RIPOR2: variants seen among roughly 807,000 people sequenced by gnomAD.
RIPOR2 encodes the protein RHO family interacting cell polarization regulator 2, also known as rho family-interacting cell polarization regulator 2.
A neutral mutation model predicts 114.5 loss-of-function variants in RIPOR2; 39 were observed. That is an observed-to-expected ratio of 0.34 (90% confidence interval 0.26 to 0.44). The LOEUF is 0.44. Ranked by LOEUF, RIPOR2 falls within the 20% of genes least tolerant of loss-of-function variation. The probability of loss-of-function intolerance (pLI) is 1.00; values close to 1 mark genes in which losing one functional copy is unlikely to be tolerated. For missense variants in RIPOR2, 1,007 were observed against 1,255.1 expected (o/e 0.80, Z 2.99); for synonymous variants, 445 against 484.4 (o/e 0.92, Z 1.07).
At chr6:25,027,031 C>A (rs1424423194) in intron 1 of RIPOR2, among the ~76,000 whole-genome samples, 1 of 152,160 alleles carries the variant, frequency 6.6e-6, no homozygotes, top group Non-Finnish European at 1.5e-5. Flanking sequence ...CTCAGGCAAA[C>A]GGCACATTCT....
At chr6:25,021,373 T>A (rs1363826352) in intron 1 of RIPOR2, among the ~76,000 whole-genome samples, 1 of 152,050 alleles carries the variant, frequency 6.6e-6, no homozygotes, top group Non-Finnish European at 1.5e-5. Flanking sequence ...TTATAGAAAT[T>A]AAGGCTGTGG....
At chr6:24,871,990 G>A (rs879280418) in intron 4 of RIPOR2, among the ~76,000 whole-genome samples, 9 of 152,162 alleles carry the variant, frequency 5.9e-5, no homozygotes, top group Non-Finnish European at 1.0e-4. Flanking sequence ...GAATCTCTAA[G>A]CCTTTGAAAA....
At chr6:24,854,443 C>T (rs943245760) in intron 8 of RIPOR2, among the ~76,000 whole-genome samples, 7 of 152,136 alleles carry the variant, frequency 4.6e-5, no homozygotes, top group African/African-American at 1.7e-4. Flanking sequence ...CATGAATAAA[C>T]GTGTGGGGAC....
chr6:25,009,654 C>A (rs905927970), intron 1 of RIPOR2, among the ~76,000 whole-genome samples: 2 of 152,152 alleles, frequency 1.3e-5, no homozygotes, highest in Non-Finnish European at 2.9e-5. Flanking sequence ...GTGGCCTTTC[C>A]CGCAGAAACC....
chr6:25,019,406 C>G (rs765578807), intron 1 of RIPOR2, among the ~76,000 whole-genome samples: 13 of 152,080 alleles, frequency 8.5e-5, no homozygotes, highest in Non-Finnish European at 1.9e-4. Context: ...CATAAAGCAG[C>G]CTTTTCTATG....
At chr6:25,004,213 A>C (rs548378175) in intron 1 of RIPOR2, among the ~76,000 whole-genome samples, 1 of 152,326 alleles carries the variant, frequency 6.6e-6, no homozygotes, top group East Asian at 1.9e-4. Flanking sequence ...AAACTCAGTG[A>C]AAGATGGAAA....
At chr6:25,030,708 TTTTC>T (rs1488688253) in intron 1 of RIPOR2, among the ~76,000 whole-genome samples, 1 of 152,108 alleles carries the variant, frequency 6.6e-6, no homozygotes, top group African/African-American at 2.4e-5. Context: ...TGTTTGTTTG[TTTTC>T]TTTGAGACGG....
intron 16 of RIPOR2, among the ~76,000 whole-genome samples, chr6:24,831,626 C>G (rs79573471): frequency 0.016 from 2,495 of 152,214 alleles, 58 homozygotes; most frequent in African/African-American, 0.051. Context: ...CAGAAATGCA[C>G]AGGGAGAAGA....
In RIPOR2 at chr6:24,887,721, T is replaced by G. The variant is rs551284074; in HGVS notation, c.62-11904A>C. On this transcript the variant is annotated intron_variant, in intron 1 of 21. Coordinates refer to ENST00000643898, the MANE Select transcript of RIPOR2 (RefSeq NM_001286445.3). ...CATTTGAAGAGTAAAGAAGAAATGT[T>G]AATAGCATTTCTATTCATTGGGACA... Among the ~76,000 whole-genome samples, 10 of 152,252 alleles carry G rather than the reference T, an allele frequency of 6.6e-5. No homozygotes were observed. In the South Asian group the frequency reaches 1.9e-3, roughly 28 times the overall value.
At chr6:24,938,224 CAT>C (rs1039727882), upstream of RIPOR2, among the ~76,000 whole-genome samples, 49 of 152,222 alleles carry the variant, frequency 3.2e-4, no homozygotes, top group African/African-American at 1.1e-3. Flanking sequence ...TAGACAAAGA[CAT>C]AGACATAGGG....
intron 1 of RIPOR2, among the ~76,000 whole-genome samples, chr6:25,031,714 TA>T: frequency 1.5e-5 from 1 of 66,506 alleles, no homozygotes; most frequent in Middle Eastern, 7.6e-3. Context: ...TATATATATA[TA>T]TATATATATA....
chr6:24,839,388 TG>T, intron 13 of RIPOR2, 116 bp from the exon 14 acceptor site: 1 of 1,439,290 alleles, frequency 6.9e-7, no homozygotes, highest in African/African-American at 1.4e-5. Context: ...TTTTATTTTT[TG>T]TTAGCATTTA....
At chr6:24,896,640 C>A (rs1049850424) in intron 1 of RIPOR2, among the ~76,000 whole-genome samples, 2 of 152,188 alleles carry the variant, frequency 1.3e-5, no homozygotes, top group Non-Finnish European at 2.9e-5. Context: ...CACGGTGGCT[C>A]ACGCCTGTAA....
rs1554130559 is a variant in RIPOR2 at position 25,005,738 on chromosome 6, T to TACATAC, written c.76+36112_76+36113insGTATGT. On this transcript the variant is annotated intron_variant, in intron 1 of 13. Coordinates refer to the RIPOR2 transcript ENST00000510784. ...ATATATATATATATATATATATATA[T>TACATAC]ATACATTTACCGATCAAAAGATATG... is the stretch of plus-strand genomic sequence containing the variant. 1.3e-3 allele frequency among the ~76,000 whole-genome samples: 91 copies of TACATAC among 70,698 alleles called. 3 individuals carry two copies. Among genetic ancestry groups the TACATAC allele is most frequent in the South Asian group, 4.0e-3 (8 of 1,990 alleles). The allele number at this position is 70,698 out of a possible 152,430, so 46.4% of individuals were successfully genotyped here.
chr6:25,023,644 C>G (rs1201025594), intron 1 of RIPOR2: 1 of 762,646 alleles, frequency 1.3e-6, no homozygotes, highest in Non-Finnish European at 2.4e-6. Flanking sequence ...CTGCTGGGGT[C>G]TCATAGATAC....
chr6:25,033,826 C>G (rs888779203), intron 1 of RIPOR2, among the ~76,000 whole-genome samples: 7 of 152,104 alleles, frequency 4.6e-5, no homozygotes, highest in African/African-American at 1.7e-4. Context: ...AACAAATCTG[C>G]TAAACAGAGT....
At chr6:24,972,164 G>T (rs1252112187) in intron 1 of RIPOR2, among the ~76,000 whole-genome samples, 2 of 151,898 alleles carry the variant, frequency 1.3e-5, no homozygotes, top group Non-Finnish European at 2.9e-5. Context: ...ACAGGGTAAA[G>T]AAAAAAATTT....
At chr6:24,913,516 C>A (rs1769830719) in intron 1 of RIPOR2, among the ~76,000 whole-genome samples, 1 of 152,156 alleles carries the variant, frequency 6.6e-6, no homozygotes, top group Non-Finnish European at 1.5e-5. Context: ...ACATGTGTGA[C>A]TGAGGGACCA....
Position 24,828,479 on chromosome 6 carries a change from C to T in RIPOR2, c.2507-184G>A, listed in dbSNP as rs560399069. 2.9e-4 allele frequency among the ~76,000 whole-genome samples: 44 copies of T among 152,268 alleles called. 2 individuals carry two copies. The South Asian group carries it at 8.7e-3, about 30-fold the overall frequency. ...TCAGTTTCCCAAGTAGATGGAATTG[C>T]AGGCATGAGCCATCACACCTGGCTC... On this transcript the variant is annotated intron_variant, in intron 17 of 21. Transcript: ENST00000643898.
Sources: allele counts gnomAD v4.1 joint callset (sites outside exome capture counted in the v4.1 genomes callset), GRCh38; gene constraint gnomAD v4.1.1; transcripts MANE v1.5; gene names NCBI Gene and HGNC (gene_info 2026-07-23, HGNC 2026-07-21).